ARHGEF28: variants seen among roughly 807,000 people sequenced by gnomAD.
ARHGEF28 encodes the protein 190 kDa guanine nucleotide exchange factor.
In ARHGEF28, 152 loss-of-function variants were observed where a neutral mutation model predicts 206.6. That is an observed-to-expected ratio of 0.74 (90% CI 0.64 to 0.84). The LOEUF (loss-of-function observed/expected upper bound fraction) is 0.84, where lower values mean the gene tolerates loss of function less well. Ranked by LOEUF, ARHGEF28 falls within the 40% of genes least tolerant of loss-of-function variation. The probability of loss-of-function intolerance (pLI) is 0.00; values close to 1 mark genes in which losing one functional copy is unlikely to be tolerated. For synonymous variants in ARHGEF28, 763 were observed against 776.4 expected (o/e 0.98, Z 0.29); for missense variants, 2,028 against 2,073.2 (o/e 0.98, Z 0.42).
chr5:73,866,355 T>C (rs1292519635), intron 18 of ARHGEF28, among the ~76,000 whole-genome samples: 1 of 152,248 alleles, frequency 6.6e-6, no homozygotes, highest in Non-Finnish European at 1.5e-5. Context: ...AAATACTACA[T>C]GAAATGTACC....
intron 35 of ARHGEF28, chr5:73,911,812 G>C (rs1030252651): frequency 6.5e-6 from 3 of 460,892 alleles, no homozygotes; most frequent in African/African-American, 3.9e-5. Flanking sequence ...CTCACAACAT[G>C]TGAGAACCAG....
chr5:73,717,629 T>A (rs2112322434), intron 2 of ARHGEF28, among the ~76,000 whole-genome samples: 1 of 152,350 alleles, frequency 6.6e-6, no homozygotes, highest in Non-Finnish European at 1.5e-5. Flanking sequence ...TACTTTCATT[T>A]ATTCAGTAAA....
At chr5:73,860,134 C>G (rs927072653) in intron 16 of ARHGEF28, among the ~76,000 whole-genome samples, 1 of 152,146 alleles carries the variant, frequency 6.6e-6, no homozygotes, top group African/African-American at 2.4e-5. Flanking sequence ...TCTCCTTTTC[C>G]CTAATACTGG....
chr5:73,901,342 C>T (rs748561346), intron 31 of ARHGEF28, 58 bp downstream of exon 31: 2 of 1,467,424 alleles, frequency 1.4e-6, no homozygotes, highest in Non-Finnish European at 9.4e-7. Flanking sequence ...ATAAAATAGC[C>T]TCAGGTTCTG....
chr5:73,859,004 A>C (rs1487883882), intron 16 of ARHGEF28, among the ~76,000 whole-genome samples: 3 of 151,968 alleles, frequency 2.0e-5, no homozygotes, highest in African/African-American at 7.3e-5. Flanking sequence ...TTCTGATTGC[A>C]ACACTCTTTC....
chr5:73,842,304 A>G (rs1758038904), intron 11 of ARHGEF28, among the ~76,000 whole-genome samples: 1 of 152,240 alleles, frequency 6.6e-6, no homozygotes, highest in Non-Finnish European at 1.5e-5. Context: ...TCTGTGAATG[A>G]ACATGCACAT....
Position 73,898,081 on chromosome 5 carries a change from T to A in ARHGEF28, c.3961T>A (p.Ser1321Thr), listed in dbSNP as rs746260142. 6.2e-7 allele frequency: 1 copy of A among 1,611,970 alleles called. No homozygotes were observed. Among genetic ancestry groups the A allele is most frequent in the Non-Finnish European group, 8.5e-7 (1 of 1,179,096 alleles). Residue 1321 changes from serine to threonine, a missense_variant, in exon 30 of 36, where the codon TCA becomes ACA. Ser to Thr is a moderately conservative substitution (Grantham distance 58). This residue lies in a region of ARHGEF28 where 803 missense variants were observed against 768.0 expected (regional missense o/e 1.05). Transcript: ENST00000513042. Reference sequence around the variant, plus strand: ...ACTCAGTTCTCATGATGTACCAGGATCACCGACTGCCTGTAAGTGAAAATG... The same window carrying A: ...ACTCAGTTCTCATGATGTACCAGGAACACCGACTGCCTGTAAGTGAAAATG... ...DTLSSHDVPG[S>T]PTASLVTGGR...
intron 1 of ARHGEF28, 56 bp from the exon 2 acceptor site, chr5:73,684,785 G>T (rs1747340919): frequency 3.3e-6 from 5 of 1,521,074 alleles, no homozygotes; most frequent in Admixed American, 3.5e-5. Flanking sequence ...AGCTCTGCTG[G>T]TCGGTTCCAT....
intron 2 of ARHGEF28, among the ~76,000 whole-genome samples, chr5:73,705,554 T>C (rs17552447): frequency 0.018 from 2,774 of 152,298 alleles, 23 homozygotes; most frequent in South Asian, 0.052. Flanking sequence ...AGCACTGTCC[T>C]TCTTGGTTTT....
rs187140555 is a variant in ARHGEF28 at position 73,793,780 on chromosome 5, A to G, written c.911-622A>G. Among the ~76,000 whole-genome samples, 5 of 148,486 alleles carry G rather than the reference A, an allele frequency of 3.4e-5. No individual in the cohort carries two copies. In the Admixed American group the frequency reaches 3.4e-4, roughly 10 times the overall value. On this transcript the variant is annotated intron_variant, in intron 7 of 35. Coordinates refer to ENST00000513042, the MANE Select transcript of ARHGEF28 (RefSeq NM_001177693.2). ...CCAATCAATTAAACCACAGATAAAA[A>G]TGCTGCCTTGGGTGAACCTTTTTTT...
At chr5:73,858,010 C>G in intron 15 of ARHGEF28, 77 bp from the exon 16 acceptor site, 5 of 1,531,796 alleles carry the variant, frequency 3.3e-6, no homozygotes, top group Non-Finnish European at 4.4e-6. Context: ...CAGATGATTT[C>G]TATAAGAAAG....
intron 35 of ARHGEF28, among the ~76,000 whole-genome samples, chr5:73,934,048 C>G (rs1172229681): frequency 1.3e-5 from 2 of 151,712 alleles, no homozygotes; most frequent in Non-Finnish European, 2.9e-5. Flanking sequence ...AAAAATTTTA[C>G]AATTGTTAAA....
intron 1 of ARHGEF28, among the ~76,000 whole-genome samples, chr5:73,653,998 G>A (rs967553008): frequency 6.6e-6 from 1 of 152,186 alleles, no homozygotes; most frequent in African/African-American, 2.4e-5. Context: ...GCCATTTTGG[G>A]TGCAAACAAC....
intron 2 of ARHGEF28, among the ~76,000 whole-genome samples, 179 bp downstream of exon 2, chr5:73,685,063 C>G (rs1747370144): frequency 6.6e-6 from 1 of 152,082 alleles, no homozygotes; most frequent in Non-Finnish European, 1.5e-5. Context: ...CTGGTTGGCT[C>G]CTGTTTTAAA....
chr5:73,781,556 G>T (rs113318224), intron 7 of ARHGEF28, among the ~76,000 whole-genome samples: 368 of 152,082 alleles, frequency 2.4e-3, no homozygotes, highest in African/African-American at 8.1e-3. Flanking sequence ...ATTAATTTTG[G>T]TCTTTTAGTA....
chr5:73,846,193 T>G, intron 11 of ARHGEF28, 75 bp from the exon 12 acceptor site: 6 of 1,390,204 alleles, frequency 4.3e-6, no homozygotes, highest in South Asian at 1.2e-5. Context: ...AGAATCTGGA[T>G]TCAGAGAAGT....
At chr5:73,821,857 G>T (rs985460196) in intron 9 of ARHGEF28, among the ~76,000 whole-genome samples, 2 of 152,024 alleles carry the variant, frequency 1.3e-5, no homozygotes, top group African/African-American at 4.8e-5. Flanking sequence ...AAGAAAAAAA[G>T]TTATTTATAC....
chr5:73,764,423 C>T lies in ARHGEF28; in HGVS notation c.476-9432C>T, dbSNP rs6891598. 4.3e-3 allele frequency among the ~76,000 whole-genome samples: 650 copies of T among 152,262 alleles called. 3 individuals are homozygous for T. Among genetic ancestry groups the T allele is most frequent in the African/African-American group, 0.015 (607 of 41,570 alleles). On this transcript the variant is annotated intron_variant, in intron 4 of 35. Coordinates refer to ENST00000513042, the MANE Select transcript of ARHGEF28 (RefSeq NM_001177693.2). The stretch of plus-strand genomic sequence containing the variant: ...TTAAAGTTGCAACTGATTTAGTATT[C>T]GTTCCACAAGCTAAAATAAAGTATA...
At chr5:73,835,650 A>G (rs892690371) in intron 10 of ARHGEF28, among the ~76,000 whole-genome samples, 4 of 152,142 alleles carry the variant, frequency 2.6e-5, no homozygotes, top group African/African-American at 9.7e-5. Flanking sequence ...AATATTCACT[A>G]TAATAAACCA....
Sources: gnomAD v4.1 joint callset for allele counts (sites outside exome capture counted in the v4.1 genomes callset) on GRCh38, gnomAD v4.1.1 for gene constraint, gnomAD v4.1.1 regional missense constraint, MANE v1.5 for transcripts, NCBI Gene and HGNC (gene_info 2026-07-23, HGNC 2026-07-21) for gene names.